CDK14: variants seen among roughly 807,000 people sequenced by gnomAD.
The protein encoded by CDK14 is cyclin-dependent kinase 14.
A neutral mutation model predicts 60.7 loss-of-function variants in CDK14; 34 were observed. The observed-to-expected ratio is 0.56, with a 90% CI of 0.43 to 0.75. The LOEUF (loss-of-function observed/expected upper bound fraction) is 0.75. Ranked by LOEUF, CDK14 falls within the 30% of genes least tolerant of loss-of-function variation. The probability of loss-of-function intolerance (pLI) is 0.00; values close to 1 mark genes in which losing one functional copy is unlikely to be tolerated. For missense variants in CDK14, 482 were observed against 564.1 expected (o/e 0.85, Z 1.47); for synonymous variants, 197 against 203.7 (o/e 0.97, Z 0.28).
In CDK14 at chr7:90,966,776, G is replaced by A. The variant is rs193010874; in HGVS notation, c.947+10959G>A. Among the ~76,000 whole-genome samples, 5 of 152,208 alleles carry A rather than the reference G, an allele frequency of 3.3e-5. No homozygotes were observed. In the East Asian group the frequency reaches 9.7e-4, roughly 29 times the overall value. On this transcript the variant is annotated intron_variant, in intron 9 of 14. Transcript: ENST00000380050. The stretch of plus-strand genomic sequence containing the variant: ...CCTCTATCTCCAGCTGTCAGACTCA[G>A]CTTCACACTTTTTACATCCTGAACT...
At chr7:91,022,182 T>C (rs1191654107) in intron 10 of CDK14, among the ~76,000 whole-genome samples, 1 of 152,234 alleles carries the variant, frequency 6.6e-6, no homozygotes, top group Non-Finnish European at 1.5e-5. Flanking sequence ...TCCCTGTCTC[T>C]TTGGGTGATA....
intron 14 of CDK14, among the ~76,000 whole-genome samples, chr7:91,154,095 T>G (rs1410675480): frequency 6.6e-6 from 1 of 152,168 alleles, no homozygotes; most frequent in Non-Finnish European, 1.5e-5. Context: ...AGAAACAATT[T>G]TGATTTTAAC....
intron 12 of CDK14, among the ~76,000 whole-genome samples, chr7:91,089,420 C>T (rs74917194): frequency 0.066 from 10,094 of 152,024 alleles, 571 homozygotes; most frequent in African/African-American, 0.16. Flanking sequence ...ATTCTAAAGC[C>T]TTTTAGACAC....
At chr7:90,775,433 A>C (rs1189538890) in intron 4 of CDK14, among the ~76,000 whole-genome samples, 1 of 128,282 alleles carries the variant, frequency 7.8e-6, no homozygotes. Flanking sequence ...TGCTTTTCTA[A>C]AACAGTTTCT....
intron 2 of CDK14, among the ~76,000 whole-genome samples, chr7:90,723,576 G>A (rs1802532270): frequency 2.0e-5 from 3 of 152,066 alleles, no homozygotes; most frequent in African/African-American, 4.8e-5. Context: ...TCTCAGAAGC[G>A]GTATCCTATG....
intron 5 of CDK14, among the ~76,000 whole-genome samples, chr7:90,830,539 C>A (rs1789881629): frequency 6.6e-6 from 1 of 152,188 alleles, no homozygotes; most frequent in African/African-American, 2.4e-5. Context: ...TACGTTTTCC[C>A]CATTGTCGTG....
At chr7:91,106,468 A>C (rs1799299195) in intron 12 of CDK14, among the ~76,000 whole-genome samples, 1 of 152,212 alleles carries the variant, frequency 6.6e-6, no homozygotes, top group Non-Finnish European at 1.5e-5. Flanking sequence ...CTGAAACATG[A>C]GAAGAAAGGT....
intron 11 of CDK14, among the ~76,000 whole-genome samples, chr7:91,048,810 A>G (rs1463059558): frequency 2.6e-5 from 4 of 151,852 alleles, no homozygotes; most frequent in Non-Finnish European, 5.9e-5. Flanking sequence ...TTTTCTCTGA[A>G]TTCTTTTTAT....
intron 11 of CDK14, among the ~76,000 whole-genome samples, chr7:91,062,713 T>A (rs1289477709): frequency 6.6e-6 from 1 of 152,092 alleles, no homozygotes; most frequent in Non-Finnish European, 1.5e-5. Context: ...ACAGGGCAGA[T>A]GGACAAAGCC....
At chr7:90,814,592 G>A (rs1246355930) in intron 5 of CDK14, among the ~76,000 whole-genome samples, 1 of 151,986 alleles carries the variant, frequency 6.6e-6, no homozygotes, top group Non-Finnish European at 1.5e-5. Context: ...GACCAGCCTG[G>A]CCAACATGGT....
chr7:91,164,941 A>T (rs1276755801), intron 14 of CDK14, among the ~76,000 whole-genome samples: 1 of 152,214 alleles, frequency 6.6e-6, no homozygotes, highest in Non-Finnish European at 1.5e-5. Context: ...GGAAACAGAC[A>T]CTAACTTGCC....
At position 90,736,350 on chromosome 7, in the gene CDK14, G is replaced by C. The variant is rs10262691; in HGVS notation, c.369+9538G>C. On this transcript the variant is annotated intron_variant, in intron 3 of 14. Transcript: ENST00000380050. ...AGAAGGGGTACTTTATTATGTTTTT[G>C]TTTTTTTTTTTTTTTTTTTTTTTTG... 3.0e-3 allele frequency among the ~76,000 whole-genome samples: 149 copies of C among 50,278 alleles called. 3 individuals are homozygous for C. Among genetic ancestry groups the C allele is most frequent in the African/African-American group, 6.7e-3 (77 of 11,418 alleles). The allele number at this position is 50,278 out of a possible 152,430, so 33.0% of individuals were successfully genotyped here.
At chr7:90,819,549 T>C (rs1198227566) in intron 5 of CDK14, among the ~76,000 whole-genome samples, 2 of 152,054 alleles carry the variant, frequency 1.3e-5, no homozygotes, top group South Asian at 4.1e-4. Context: ...TTAATTACTG[T>C]AGGCCTGGTT....
chr7:91,147,162 TCACA>T (rs71107808), intron 14 of CDK14, among the ~76,000 whole-genome samples: 8,864 of 124,078 alleles, frequency 0.071, 349 homozygotes, highest in African/African-American at 0.087. Context: ...TCTCTCTCTC[TCACA>T]CACACACACA....
intron 6 of CDK14, among the ~76,000 whole-genome samples, chr7:90,898,238 A>G (rs1052265883): frequency 1.3e-5 from 2 of 152,006 alleles, no homozygotes; most frequent in Non-Finnish European, 1.5e-5. Flanking sequence ...CATCTGTTTC[A>G]TTTACTCCTG....
At chr7:91,160,138 G>A (rs555855034) in intron 14 of CDK14, among the ~76,000 whole-genome samples, 4 of 152,216 alleles carry the variant, frequency 2.6e-5, no homozygotes, top group East Asian at 1.9e-4. Flanking sequence ...TAGAAAATCC[G>A]AATTACTTTG....
chr7:91,179,008 A>G (rs1297684764), intron 14 of CDK14, among the ~76,000 whole-genome samples: 1 of 152,174 alleles, frequency 6.6e-6, no homozygotes, highest in Non-Finnish European at 1.5e-5. Context: ...ACATGCACAC[A>G]TCTGTTTATT....
intron 6 of CDK14, among the ~76,000 whole-genome samples, chr7:90,864,190 T>C (rs1791101902): frequency 6.6e-6 from 1 of 152,148 alleles, no homozygotes; most frequent in Admixed American, 6.5e-5. Flanking sequence ...CCTGTGTCTG[T>C]CATTTGAAAA....
chr7:91,000,416 G>C (rs1795805057), intron 10 of CDK14, among the ~76,000 whole-genome samples: 1 of 152,174 alleles, frequency 6.6e-6, no homozygotes, highest in African/African-American at 2.4e-5. Context: ...ACTTTTTGCT[G>C]ATGTACACAC....
Sources: gnomAD v4.1 joint callset for allele counts (sites outside exome capture counted in the v4.1 genomes callset) on GRCh38, gnomAD v4.1.1 for gene constraint, MANE v1.5 for transcripts, NCBI Gene and HGNC (gene_info 2026-07-23, HGNC 2026-07-21) for gene names.